MYCBP2: variants seen among roughly 807,000 people sequenced by gnomAD.
MYCBP2 encodes MYC binding protein 2, also known as E3 ubiquitin-protein ligase MYCBP2.
MYCBP2 carries 120 observed loss-of-function variants against 525.3 expected under a neutral mutation model. The observed-to-expected ratio is 0.23, with a 90% CI of 0.20 to 0.27. MYCBP2 has a LOEUF of 0.27. MYCBP2 is among the 10% of genes least tolerant of loss of function. The probability of loss-of-function intolerance (pLI) is 1.00; values close to 1 mark genes in which losing one functional copy is unlikely to be tolerated. For synonymous variants in MYCBP2, 1,894 were observed against 1,955.8 expected (o/e 0.97, Z 0.83); for missense variants, 4,149 against 5,657.1 (o/e 0.73, Z 8.55).
chr13:77,254,042 T>A (rs982408419), intron 14 of MYCBP2, among the ~76,000 whole-genome samples: 5 of 151,948 alleles, frequency 3.3e-5, no homozygotes, highest in African/African-American at 1.2e-4. Flanking sequence ...TGTGGTATAT[T>A]ACACATTAGT....
chr13:77,186,375 T>C (rs1464131850), intron 30 of MYCBP2, among the ~76,000 whole-genome samples: 2 of 152,188 alleles, frequency 1.3e-5, no homozygotes, highest in Admixed American at 6.5e-5. Flanking sequence ...ATCTAGCTTA[T>C]CATATAAACA....
intron 48 of MYCBP2, among the ~76,000 whole-genome samples, chr13:77,145,850 GCAAA>G (rs2055439535): frequency 6.6e-6 from 1 of 151,516 alleles, no homozygotes; most frequent in African/African-American, 2.4e-5. Context: ...TTTTTAAATA[GCAAA>G]CAAACAAAAA....
chr13:77,108,495 T>G (rs770200340), intron 55 of MYCBP2, among the ~76,000 whole-genome samples: 1 of 152,118 alleles, frequency 6.6e-6, no homozygotes, highest in Non-Finnish European at 1.5e-5. Flanking sequence ...AAAGTAAAAA[T>G]CTTACTCCCA....
At chr13:77,239,149 G>T (rs1012807919) in intron 17 of MYCBP2, among the ~76,000 whole-genome samples, 1 of 152,104 alleles carries the variant, frequency 6.6e-6, no homozygotes, top group Admixed American at 6.5e-5. Flanking sequence ...CCAGAGTTCT[G>T]ATCATCTATG....
chr13:77,076,895 C>T, intron 67 of MYCBP2, 46 bp from the exon 68 acceptor site: 1 of 1,417,858 alleles, frequency 7.1e-7, no homozygotes, highest in Non-Finnish European at 9.9e-7. Flanking sequence ...CAGGCATTAA[C>T]ACTATATTGG....
intron 55 of MYCBP2, among the ~76,000 whole-genome samples, chr13:77,100,842 TA>T (rs1228617343): frequency 1.3e-5 from 2 of 152,108 alleles, no homozygotes; most frequent in Middle Eastern, 3.4e-3. Context: ...AAAAAAGGGT[TA>T]AAAAAATCCC....
At chr13:77,170,185 T>A (rs1475975784) in intron 38 of MYCBP2, among the ~76,000 whole-genome samples, 1 of 152,206 alleles carries the variant, frequency 6.6e-6, no homozygotes, top group Non-Finnish European at 1.5e-5. Context: ...CGAGGTAATA[T>A]ATGTAAAACA....
chr13:77,134,227 A>G (rs752668972), intron 52 of MYCBP2, among the ~76,000 whole-genome samples: 3 of 152,130 alleles, frequency 2.0e-5, no homozygotes, highest in Non-Finnish European at 4.4e-5. Context: ...ACTGGAAAGC[A>G]TGTTCTCAGC....
In MYCBP2 at chr13:77,217,864, C is replaced by A; in HGVS notation, c.3033G>T (p.Gln1011His). The A allele has an allele frequency of 1.2e-6, 2 of 1,604,308 alleles. No homozygotes were observed. The highest frequency in any genetic ancestry group is 1.7e-6 in the Non-Finnish European group (2 of 1,175,322). The change falls in exon 21 of 83, where the codon CAG becomes CAT. Residue 1011 changes from glutamine to histidine, a missense_variant. By Grantham distance (24) the Gln-to-His change is conservative. This residue lies in a region of MYCBP2 where 620 missense variants were observed against 795.5 expected (regional missense o/e 0.78). Coordinates refer to ENST00000544440, the MANE Select transcript of MYCBP2 (RefSeq NM_015057.5). ...NHTAVLLMDG[Q>H]VFTFGSFSKG... ...CAGAAAAACTTCCAAATGTGAAGAC[C>A]TGTCCATCCATTAAAAGTACTGCCG... is the stretch of plus-strand genomic sequence containing the variant.
chr13:77,053,652 A>G (rs117940352), intron 80 of MYCBP2, among the ~76,000 whole-genome samples: 5 of 152,338 alleles, frequency 3.3e-5, no homozygotes, highest in Non-Finnish European at 5.9e-5. Flanking sequence ...TGTTTAGTAC[A>G]TGAAACACAC....
chr13:77,049,958 G>A (rs2036422741), intron 82 of MYCBP2, among the ~76,000 whole-genome samples: 2 of 151,782 alleles, frequency 1.3e-5, no homozygotes, highest in Non-Finnish European at 2.9e-5. Context: ...TTCATCTGAT[G>A]CTATCTCCTG....
chr13:77,160,642 CAG>C, intron 44 of MYCBP2, among the ~76,000 whole-genome samples: 1 of 152,176 alleles, frequency 6.6e-6, no homozygotes, highest in Middle Eastern at 3.4e-3. Flanking sequence ...ATTATAAAAA[CAG>C]AGAGATAATA....
At chr13:77,140,702 A>C in intron 50 of MYCBP2, 144 bp downstream of exon 50, 1 of 705,244 alleles carries the variant, frequency 1.4e-6, no homozygotes, top group Middle Eastern at 2.4e-4. Context: ...ATTACCATGA[A>C]CTACTCTCTA....
At chr13:77,070,794 C>T in intron 68 of MYCBP2, 83 bp from the exon 69 acceptor site, 5 of 796,678 alleles carry the variant, frequency 6.3e-6, no homozygotes, top group East Asian at 2.7e-5. Flanking sequence ...TTCAAAGTAA[C>T]TTGAGAAATA....
intron 1 of MYCBP2, among the ~76,000 whole-genome samples, chr13:77,311,126 C>T (rs955336134): frequency 6.6e-6 from 1 of 152,182 alleles, no homozygotes. Context: ...GAGATCACTG[C>T]ATTACAGGGC....
chr13:77,273,258 G>C (rs1163607343), intron 5 of MYCBP2, among the ~76,000 whole-genome samples: 1 of 152,176 alleles, frequency 6.6e-6, no homozygotes, highest in Non-Finnish European at 1.5e-5. Context: ...AGATTTAAGA[G>C]GTCTGGCCAA....
Position 77,095,290 on chromosome 13 carries a change from C to T in MYCBP2, c.10199+68G>A, listed in dbSNP as rs17067205. 9,774 of 1,570,426 alleles carry T rather than the reference C, an allele frequency of 6.2e-3. 479 individuals are homozygous for T. In the African/African-American group the frequency reaches 0.11, roughly 18 times the overall value. ...AAGTGTAGGTCAAATACCGAACTAC[C>T]CTAGATATCAATAAACAATCGCTGT... On this transcript the variant is annotated intron_variant, in intron 58 of 82. Transcript: ENST00000544440.
chr13:77,203,893 A>T (rs889083951), intron 26 of MYCBP2, among the ~76,000 whole-genome samples: 3 of 151,986 alleles, frequency 2.0e-5, no homozygotes, highest in African/African-American at 7.2e-5. Flanking sequence ...ACAAAAATCA[A>T]TTCAAGATGG....
At chr13:77,193,591 T>A (rs1459192183) in intron 27 of MYCBP2, among the ~76,000 whole-genome samples, 2 of 152,178 alleles carry the variant, frequency 1.3e-5, no homozygotes, top group East Asian at 3.8e-4. Context: ...TAGGATTACG[T>A]AGAGAGGACT....
Sources: gnomAD v4.1 joint callset for allele counts (sites outside exome capture counted in the v4.1 genomes callset) on GRCh38, gnomAD v4.1.1 for gene constraint, gnomAD v4.1.1 regional missense constraint, MANE v1.5 for transcripts, NCBI Gene and HGNC (gene_info 2026-07-23, HGNC 2026-07-21) for gene names.